Variants in SLC49A3 observed in about 807,000 individuals in gnomAD.
The protein encoded by SLC49A3 is solute carrier family 49 member A3.
In SLC49A3, 50 loss-of-function variants were observed where a neutral mutation model predicts 43.8. The observed-to-expected ratio is 1.14, with a 90% CI of 0.91 to 1.45. SLC49A3 has a LOEUF of 1.45. SLC49A3 is among the 40% of genes most tolerant of loss of function. The pLI is 0.00. For missense variants in SLC49A3, 906 were observed against 774.1 expected (o/e 1.17, Z -2.02); for synonymous variants, 413 against 352.0 (o/e 1.17, Z -1.94).
chr4:685,772 ACACACAGACGTGCATGCGCACACAC>A lies in SLC49A3; in HGVS notation c.585+38_585+62del, dbSNP rs1266699606. 3.2e-6 allele frequency: 5 copies of A among 1,551,760 alleles called. No individual in the cohort carries two copies. The highest frequency in any genetic ancestry group is 1.1e-5 in the South Asian group (1 of 89,334). ...AACACGGACACACTTGGGATCAGGA[ACACACAGACGTGCATGCGCACACAC>A]CACACAGACCAGGCACGGGCGTCTC... On this transcript the variant is annotated intron_variant, in intron 4 of 9. Coordinates refer to ENST00000322224, the MANE Select transcript of SLC49A3 (RefSeq NM_032219.4). The surrounding 1 kb of genome is among the most constrained non-coding windows in gnomAD (Gnocchi z 4.3).
chr4:681,269 G>A (rs904102150), downstream of SLC49A3: 12 of 1,127,892 alleles, frequency 1.1e-5, no homozygotes, highest in African/African-American at 3.1e-5. Context: ...ACAGGCCCCC[G>A]GGGGGCTCCC....
At position 687,720 on chromosome 4, in the gene SLC49A3, C is replaced by T. The variant is rs554029540; in HGVS notation, c.136-1030G>A. On this transcript the variant is annotated intron_variant, in intron 1 of 9. Coordinates refer to ENST00000322224, the MANE Select transcript of SLC49A3 (RefSeq NM_032219.4). The stretch of plus-strand genomic sequence containing the variant: ...CATCTCCCAGCCTCGACCCTGCCTG[C>T]GCTCGCCCCCTTGGGTCCTTTGAGT... Among the ~76,000 whole-genome samples, 13 of 152,310 alleles carry T rather than the reference C, an allele frequency of 8.5e-5. No individual in the cohort carries two copies. In the East Asian group the frequency reaches 9.7e-4, roughly 11 times the overall value.
chr4:685,152 G>A lies in SLC49A3; in HGVS notation c.586-296C>T. 2.1e-6 allele frequency: 1 copy of A among 486,410 alleles called. No individual in the cohort carries two copies. The highest frequency in any genetic ancestry group is 3.9e-5 in the East Asian group (1 of 25,912). 30.1% of individuals were successfully genotyped at this position (486,410 alleles called of 1,614,324 possible). A position where few individuals can be genotyped will look rare whatever the true frequency, so the allele number is the denominator to read the frequency against. On this transcript the variant is annotated intron_variant, in intron 4 of 9. Coordinates refer to ENST00000322224, the MANE Select transcript of SLC49A3 (RefSeq NM_032219.4). This position sits in a 1 kb window ranked among gnomAD's most constrained non-coding sequence, Gnocchi z 4.3. ...TCTCACTGCCAGCTGCACAGCCCATGATAGGGCTCAACACACAGACACAGG... is the reference window on the plus strand; with the variant it reads ...TCTCACTGCCAGCTGCACAGCCCATAATAGGGCTCAACACACAGACACAGG...
At chr4:688,831 A>C in intron 1 of SLC49A3, 162 bp downstream of exon 1, 1 of 1,198,694 alleles carries the variant, frequency 8.3e-7, no homozygotes, top group East Asian at 3.2e-5. Flanking sequence ...CCTCCAGGAC[A>C]GACAGTGCCC....
At chr4:687,585 G>A (rs1316965076) in intron 1 of SLC49A3, among the ~76,000 whole-genome samples, 2 of 152,244 alleles carry the variant, frequency 1.3e-5, no homozygotes, top group Non-Finnish European at 2.9e-5. Flanking sequence ...CCTCAGCCCT[G>A]TCCTGGTTCC....
intron 7 of SLC49A3, 74 bp from the exon 8 acceptor site, chr4:683,441 T>C (rs1740267695): frequency 1.3e-6 from 2 of 1,548,188 alleles, no homozygotes; most frequent in African/African-American, 2.7e-5. Context: ...TCACGGGACA[T>C]GGGACACGGG....
chr4:682,287 C>G lies in SLC49A3; in HGVS notation c.1351G>C (p.Glu451Gln). 1 of 1,352,664 alleles carries G rather than the reference C, an allele frequency of 7.4e-7. No individual in the cohort carries two copies. The highest frequency in any genetic ancestry group is 1.5e-5 in the African/African-American group (1 of 66,524). 83.8% of individuals were successfully genotyped at this position (1,352,664 alleles called of 1,614,324 possible). Residue 451 changes from glutamate (E) to glutamine (Q), a missense_variant, in exon 10 of 10, where the codon GAG becomes CAG. Physicochemically the swap from Glu to Gln is conservative, Grantham distance 29. Coordinates refer to ENST00000322224, the MANE Select transcript of SLC49A3 (RefSeq NM_032219.4). ...FHTPYRRLQA[E>Q]SGEPPSTRNA... ...CGGGTGGAGGGGGGCTCCCCAGACT[C>G]GGCCTGCAGGCGCCGGTATGGGGTG... is the stretch of plus-strand genomic sequence containing the variant.
In SLC49A3 at chr4:686,589, G is replaced by A; in HGVS notation, c.237C>T (p.Ser79=). 6.2e-7 allele frequency: 1 copy of A among 1,613,312 alleles called. No homozygotes were observed. Residue 79 remains serine (S), a synonymous_variant, in exon 2 of 10, where the codon TCC becomes TCT. Coordinates refer to ENST00000322224, the MANE Select transcript of SLC49A3 (RefSeq NM_032219.4). ...AGATGGCCGCCACGCCAAATGGGGT[G>A]GATACCACGAGGTAGACCAGTGACA... is the stretch of plus-strand genomic sequence containing the variant. The part of the protein sequence containing the change: ...NWLSLVYLVV[S]TPFGVAAIWI...
chr4:679,102 C>T (rs773321678), downstream of SLC49A3: 21 of 1,294,064 alleles, frequency 1.6e-5, no homozygotes, highest in Middle Eastern at 2.0e-4. Context: ...CAGCTCCAGA[C>T]GCCGCGGCCC....
chr4:683,302 G>A lies in SLC49A3; in HGVS notation c.1059C>T (p.Gly353=), dbSNP rs201748402. 4.0e-5 allele frequency: 64 copies of A among 1,612,670 alleles called. No homozygotes were observed. In the East Asian group the frequency reaches 1.4e-3, roughly 34 times the overall value. ...CCATGGCCACGGGGCCCACCGAGAAGCCAAACAGCCCGAGCAGCGAGCAGG... is the reference window on the plus strand; with the variant it reads ...CCATGGCCACGGGGCCCACCGAGAAACCAAACAGCCCGAGCAGCGAGCAGG... ...AATCSLLGLF[G]FSVGPVAMEL... is the part of the protein sequence containing the mutation. The change falls in exon 8 of 10, where the codon GGC becomes GGT. Residue 353 remains glycine (G), a synonymous_variant. Transcript: ENST00000322224.
Position 682,825 on chromosome 4 carries a change from G to A in SLC49A3, c.1217C>T (p.Ser406Phe), listed in dbSNP as rs372313639. 267 of 1,604,786 alleles carry A rather than the reference G, an allele frequency of 1.7e-4. 4 individuals carry two copies. The South Asian group carries it at 2.7e-3, about 16-fold the overall frequency. ...TALTVRRSEP[S>F]LSTCQQGEDP... is the part of the protein sequence containing the mutation. Reference sequence around the variant, plus strand: ...CTCCCCCTGCTGGCAGGTGGACAAGGACGGCTCCGAGCGTCGCACAGTCAG... The same window carrying A: ...CTCCCCCTGCTGGCAGGTGGACAAGAACGGCTCCGAGCGTCGCACAGTCAG... Residue 406 changes from serine (S) to phenylalanine (F), a missense_variant, in exon 9 of 10, where the codon TCC (serine) becomes TTC (phenylalanine). By Grantham distance (155) the Ser-to-Phe change is radical. Coordinates refer to ENST00000322224, the MANE Select transcript of SLC49A3 (RefSeq NM_032219.4).
downstream of SLC49A3, chr4:681,096 A>G (rs1264381203): frequency 6.2e-7 from 1 of 1,603,178 alleles, no homozygotes. Flanking sequence ...CCTCAGCATC[A>G]AGCGTCTGCT....
In SLC49A3 at chr4:685,697, C is replaced by G; in HGVS notation, c.585+138G>C. ...ATTCAGCCTGAGCGACAGGCTGAGA[C>G]TCCTTCTCGGGTGGCGGGGCGGGGG... is the stretch of plus-strand genomic sequence containing the variant. On this transcript the variant is annotated intron_variant, in intron 4 of 9. Coordinates refer to ENST00000322224, the MANE Select transcript of SLC49A3 (RefSeq NM_032219.4). The surrounding 1 kb of genome is among the most constrained non-coding windows in gnomAD (Gnocchi z 4.3). The G allele has an allele frequency of 1.2e-6, 1 of 869,254 alleles. No individual in the cohort carries two copies. The highest frequency in any genetic ancestry group is 2.2e-5 in the Admixed American group (1 of 45,114). 53.8% of individuals were successfully genotyped at this position (869,254 alleles called of 1,614,324 possible).
At chr4:682,937 G>A (rs575195415) in intron 8 of SLC49A3, 47 bp from the exon 9 acceptor site, 89 of 1,450,972 alleles carry the variant, frequency 6.1e-5, no homozygotes, top group East Asian at 1.2e-4. Flanking sequence ...CCACCCCCTC[G>A]GAGCCAGGTG....
rs756118886 is a variant in SLC49A3 at position 682,776 on chromosome 4, C to T, written c.1261+5G>A. 6.4e-7 allele frequency: 1 copy of T among 1,565,332 alleles called. No individual in the cohort carries two copies. The highest frequency in any genetic ancestry group is 1.2e-5 in the South Asian group (1 of 86,082). ...TTCCCTGGGGACTCCCCATGTGAGG[C>T]TCACCTGTCCAGTCAAGTGGATCCT... is the stretch of plus-strand genomic sequence containing the variant. On this transcript the variant is annotated splice_donor_5th_base_variant and intron_variant, in intron 9 of 9. Transcript: ENST00000322224.
chr4:681,819 C>T (rs529244517), downstream of SLC49A3: 202 of 1,263,762 alleles, frequency 1.6e-4, 2 homozygotes, highest in South Asian at 5.2e-3. Context: ...GAAACCACAC[C>T]CGGGGCCGCT....
At chr4:678,874 CAG>C (rs1739132370), downstream of SLC49A3, 3 of 1,606,542 alleles carry the variant, frequency 1.9e-6, no homozygotes, top group African/African-American at 1.3e-5. Context: ...TATCCTCAGT[CAG>C]GGGTGCTGAG....
chr4:690,661 T>C (rs1056940303), upstream of SLC49A3, among the ~76,000 whole-genome samples: 3 of 152,230 alleles, frequency 2.0e-5, no homozygotes, highest in Non-Finnish European at 2.9e-5. Context: ...CCACAGTAGC[T>C]ACCTCCATCG....
chr4:677,869 C>T, downstream of SLC49A3: 1 of 1,276,288 alleles, frequency 7.8e-7, no homozygotes, highest in Admixed American at 1.7e-5. Flanking sequence ...GCTGCCAAAG[C>T]TCACTCTGCA....
Sources: allele counts gnomAD v4.1 joint callset (sites outside exome capture counted in the v4.1 genomes callset), GRCh38; gene constraint gnomAD v4.1.1; non-coding constraint Gnocchi (gnomAD v3.1); transcripts MANE v1.5; gene names NCBI Gene and HGNC (gene_info 2026-07-23, HGNC 2026-07-21).